ZNF107: variants seen among roughly 807,000 people sequenced by gnomAD.
The protein encoded by ZNF107 is C2H2 type zinc-finger protein.
A neutral mutation model predicts 12.3 loss-of-function variants in ZNF107; 19 were observed. The ratio of observed to expected loss-of-function variants is 1.55; its 90% CI spans 1.08 to 2.27. The LOEUF (loss-of-function observed/expected upper bound fraction) is 2.27. Ranked by LOEUF, ZNF107 falls within the 30% of genes most tolerant of loss-of-function variation. The pLI is 0.00. For synonymous variants in ZNF107, 317 were observed against 330.5 expected, an observed-to-expected ratio of 0.96 and a Z score of 0.44; for missense variants, 958 against 979.9, an observed-to-expected ratio of 0.98 and a Z score of 0.30.
chr7:64,671,016 TAAAC>T (rs920701423), intron 1 of ZNF107, among the ~76,000 whole-genome samples: 7 of 152,188 alleles, frequency 4.6e-5, no homozygotes, highest in African/African-American at 1.7e-4. Context: ...ATTCAAATGT[TAAAC>T]AATGTGTTAG....
intron 1 of ZNF107, among the ~76,000 whole-genome samples, chr7:64,674,732 G>A (rs563335378): frequency 6.6e-6 from 1 of 152,260 alleles, no homozygotes; most frequent in East Asian, 1.9e-4. Context: ...TTGGTTGTGG[G>A]TTCCTCATAG....
intron 3 of ZNF107, among the ~76,000 whole-genome samples, chr7:64,705,982 C>G (rs953657951): frequency 6.6e-6 from 1 of 151,226 alleles, no homozygotes; most frequent in East Asian, 1.9e-4. Context: ...AAAAAAAACA[C>G]TAAGAGTTGG....
At position 64,707,589 on chromosome 7, in the gene ZNF107, A is replaced by G. The variant is rs1790711205; in HGVS notation, c.1492A>G (p.Arg498Gly). ...KAFNRSSTLT[R>G]HKKIHTGEKP... ...TTTTAATCGATCCTCAACCCTTACT[A>G]GACATAAGAAAATTCATACTGGAGA... The change falls in exon 4 of 4, where the codon AGA becomes GGA. Residue 498 changes from arginine to glycine, a missense_variant. Arg to Gly is a moderately radical substitution (Grantham distance 125). Transcript: ENST00000620827. 6.2e-7 allele frequency: 1 copy of G among 1,612,868 alleles called. No individual in the cohort carries two copies. The highest frequency in any genetic ancestry group is 1.3e-5 in the African/African-American group (1 of 74,988).
intron 2 of ZNF107, 34 bp downstream of exon 2, chr7:64,691,408 AC>A: frequency 7.2e-7 from 1 of 1,381,878 alleles, no homozygotes; most frequent in Non-Finnish European, 9.4e-7. Context: ...TTCCCAAAAT[AC>A]CCTTAAAGTT....
At chr7:64,678,739 A>G (rs1221152956) in intron 1 of ZNF107, among the ~76,000 whole-genome samples, 1 of 152,194 alleles carries the variant, frequency 6.6e-6, no homozygotes, top group Admixed American at 6.5e-5. Context: ...TATAGTAGAT[A>G]TTAGTATGAT....
intron 1 of ZNF107, among the ~76,000 whole-genome samples, chr7:64,686,188 C>T (rs549286892): frequency 2.6e-5 from 4 of 152,244 alleles, no homozygotes; most frequent in African/African-American, 4.8e-5. Flanking sequence ...TGGACTAGTA[C>T]GAGATGCTGC....
At position 64,707,838 on chromosome 7, in the gene ZNF107, A is replaced by G; in HGVS notation, c.1741A>G (p.Thr581Ala). ...GKAFNQSYQL[T>A]RHKIVHTKEK... Reference sequence around the variant, plus strand: ...AGCCTTTAATCAATCCTATCAACTTACTAGACATAAGATAGTTCATACTAA... The same window carrying G: ...AGCCTTTAATCAATCCTATCAACTTGCTAGACATAAGATAGTTCATACTAA... Residue 581 changes from threonine (T) to alanine (A), a missense_variant, in exon 4 of 4, where the codon ACT becomes GCT. Thr to Ala is a moderately conservative substitution (Grantham distance 58, BLOSUM62 0). Coordinates refer to ENST00000620827, the MANE Select transcript of ZNF107 (RefSeq NM_001282359.2). The G allele has an allele frequency of 2.5e-6, 4 of 1,612,802 alleles. No homozygotes were observed. The highest frequency in any genetic ancestry group is 3.4e-6 in the Non-Finnish European group (4 of 1,179,538).
At chr7:64,666,606 C>T (rs549307801) in intron 1 of ZNF107, among the ~76,000 whole-genome samples, 92 of 152,310 alleles carry the variant, frequency 6.0e-4, no homozygotes, top group Admixed American at 6.0e-3. Flanking sequence ...CCCGATTGTG[C>T]AGGGATGCCG....
chr7:64,700,067 A>AAAAAAG (rs1790422199), intron 3 of ZNF107, among the ~76,000 whole-genome samples: 2 of 151,616 alleles, frequency 1.3e-5, no homozygotes, highest in Admixed American at 1.3e-4. Context: ...TCTCAAAAAA[A>AAAAAAG]AAAAAAAAAG....
At chr7:64,682,844 C>T (rs1040724677) in intron 1 of ZNF107, among the ~76,000 whole-genome samples, 2 of 152,152 alleles carry the variant, frequency 1.3e-5, no homozygotes, top group Non-Finnish European at 2.9e-5. Flanking sequence ...CCATGCTAAC[C>T]ATTGCTCTTG....
Position 64,691,975 on chromosome 7 carries a change from A to C in ZNF107, c.226+15A>C, listed in dbSNP as rs4718101. ...CAAACCCCCAGGTAGGTGAGAGTGA[A>C]AGTGAATACAACAGATGACAAAGAT... On this transcript the variant is annotated intron_variant, in intron 3 of 3. Coordinates refer to ENST00000620827, the MANE Select transcript of ZNF107 (RefSeq NM_001282359.2). 3.4e-6 allele frequency: 5 copies of C among 1,468,796 alleles called. No individual in the cohort carries two copies. Among genetic ancestry groups the C allele is most frequent in the South Asian group, 1.3e-5 (1 of 74,948 alleles). The allele number at this position is 1,468,796 out of a possible 1,614,324, so 91.0% of individuals were successfully genotyped here.
chr7:64,690,496 ATTCC>A (rs1790079323), intron 1 of ZNF107: 2 of 983,662 alleles, frequency 2.0e-6, no homozygotes, highest in Non-Finnish European at 1.2e-6. Flanking sequence ...CAATTCCCGA[ATTCC>A]ACAAGGAGAT....
chr7:64,701,751 C>T lies in ZNF107; in HGVS notation c.227-4573C>T, dbSNP rs1475821886. Among the ~76,000 whole-genome samples, 11 of 152,158 alleles carry T rather than the reference C, an allele frequency of 7.2e-5. No homozygotes were observed. In the East Asian group the frequency reaches 1.2e-3, roughly 16 times the overall value. ...CTTCTTATTTCAGCCTCTCAAGTAT[C>T]TCTACTACAAGTAAGTGCCATCACA... On this transcript the variant is annotated intron_variant, in intron 3 of 3. Coordinates refer to ENST00000620827, the MANE Select transcript of ZNF107 (RefSeq NM_001282359.2).
chr7:64,695,276 G>T (rs1452745415), intron 3 of ZNF107, among the ~76,000 whole-genome samples: 1 of 151,842 alleles, frequency 6.6e-6, no homozygotes, highest in African/African-American at 2.4e-5. Flanking sequence ...TTTCTCATTA[G>T]CATCTTCTAT....
intron 3 of ZNF107, among the ~76,000 whole-genome samples, chr7:64,703,761 AAT>A (rs1381146274): frequency 1.3e-5 from 2 of 152,066 alleles, no homozygotes; most frequent in South Asian, 4.1e-4. Context: ...TAGATATTTA[AAT>A]AAAGTGAATT....
intron 1 of ZNF107, among the ~76,000 whole-genome samples, chr7:64,683,642 A>G (rs775499259): frequency 7.2e-5 from 11 of 152,162 alleles, no homozygotes; most frequent in Non-Finnish European, 1.5e-4. Flanking sequence ...CATGTAGGAT[A>G]CAAGCCTTTG....
chr7:64,671,555 C>T (rs1789221903), intron 1 of ZNF107, among the ~76,000 whole-genome samples: 1 of 152,164 alleles, frequency 6.6e-6, no homozygotes, highest in African/African-American at 2.4e-5. Flanking sequence ...CAGAGGACAG[C>T]CCCATCTGGG....
rs1584494900 is a variant in ZNF107 at position 64,708,418 on chromosome 7, C to T, written c.2321C>T (p.Ser774Leu). ...EECGKAFNQS[S>L]NLTTHKKIHT... ...TGTGGCAAAGCTTTTAACCAATCCT[C>T]AAACCTTACTACACATAAGAAAATT... Residue 774 changes from serine to leucine, a missense_variant, in exon 4 of 4, where the codon TCA becomes TTA. Transcript: ENST00000620827. 3 of 1,604,212 alleles carry T rather than the reference C, an allele frequency of 1.9e-6. No individual in the cohort carries two copies. Among genetic ancestry groups the T allele is most frequent in the African/African-American group, 1.3e-5 (1 of 74,828 alleles).
intron 1 of ZNF107, chr7:64,690,624 A>G (rs1216202117): frequency 1.3e-6 from 1 of 789,844 alleles, no homozygotes; most frequent in Admixed American, 6.2e-5. Context: ...CTGCAGATCC[A>G]GTAGTTTCCC....
Sources: allele counts gnomAD v4.1 joint callset (sites outside exome capture counted in the v4.1 genomes callset), GRCh38; gene constraint gnomAD v4.1.1; transcripts MANE v1.5; gene names NCBI Gene and HGNC (gene_info 2026-07-23, HGNC 2026-07-21).